Variants in TRPM3 observed in about 807,000 individuals in gnomAD.
TRPM3 encodes the protein transient receptor potential cation channel subfamily M member 3.
In TRPM3, 77 loss-of-function variants were observed where a neutral mutation model predicts 181.2. The observed-to-expected ratio is 0.42, with a 90% CI of 0.35 to 0.51. The LOEUF is 0.51. TRPM3 is among the 20% of genes least tolerant of loss of function. The pLI is 0.01. For missense variants in TRPM3, 1,759 were observed against 2,196.7 expected, an observed-to-expected ratio of 0.80 and a Z score of 3.98; for synonymous variants, 745 against 796.4, an observed-to-expected ratio of 0.94 and a Z score of 1.09.
At chr9:70,857,729 G>A (rs901962042) in intron 3 of TRPM3, among the ~76,000 whole-genome samples, 5 of 152,142 alleles carry the variant, frequency 3.3e-5, no homozygotes, top group Non-Finnish European at 5.9e-5. Flanking sequence ...TTCTCTAGGC[G>A]CAGATTAGTT....
rs116873112 is a variant in TRPM3, at chr9:71,133,831, T to G, written c.184-269320A>C. ...GATGTTATGCTGAAGAAAGGTCATTTCCAATCTAAGCACAGACAAACACTT... is the reference window on the plus strand; with the variant it reads ...GATGTTATGCTGAAGAAAGGTCATTGCCAATCTAAGCACAGACAAACACTT... On this transcript the variant is annotated intron_variant, in intron 1 of 24. Coordinates refer to the TRPM3 transcript ENST00000357533. 4.6e-3 allele frequency among the ~76,000 whole-genome samples: 707 copies of G among 152,324 alleles called. 1 individual carries two copies. The highest frequency in any genetic ancestry group is 7.2e-3 in the Admixed American group (110 of 15,306).
chr9:70,908,263 T>A (rs1477963362), intron 1 of TRPM3, among the ~76,000 whole-genome samples: 1 of 152,218 alleles, frequency 6.6e-6, no homozygotes, highest in East Asian at 1.9e-4. Context: ...GTGTTCATGG[T>A]GACTTTATAG....
At chr9:70,630,820 T>C (rs912989097) in intron 12 of TRPM3, among the ~76,000 whole-genome samples, 7 of 152,242 alleles carry the variant, frequency 4.6e-5, no homozygotes, top group South Asian at 2.1e-4. Flanking sequence ...GTCTTCTTTT[T>C]TCATGCTATG....
rs146664142 is a variant in TRPM3, at chr9:70,584,350, T to C, written c.3223+6681A>G. 3.6e-3 allele frequency among the ~76,000 whole-genome samples: 556 copies of C among 152,356 alleles called. 4 individuals carry two copies. The highest frequency in any genetic ancestry group is 0.013 in the African/African-American group (533 of 41,578). ...GCAATGTCTGCATTTTTATTGATAT[T>C]CTTTGCCTTTTCCAAACCACTGTTT... On this transcript the variant is annotated intron_variant, in intron 22 of 25. Transcript: ENST00000677713.
At chr9:71,432,783 CT>C (rs1442760208) in intron 1 of TRPM3, among the ~76,000 whole-genome samples, 11 of 152,282 alleles carry the variant, frequency 7.2e-5, no homozygotes, top group Admixed American at 7.2e-4. Flanking sequence ...TATTCTGAAA[CT>C]GGTACCCACT....
chr9:71,366,189 A>G (rs943452913), intron 1 of TRPM3, among the ~76,000 whole-genome samples: 5 of 152,216 alleles, frequency 3.3e-5, no homozygotes, highest in African/African-American at 9.7e-5. Flanking sequence ...TTTCTTTTCT[A>G]TAGTTAAGGC....
intron 22 of TRPM3, among the ~76,000 whole-genome samples, chr9:70,563,849 A>G (rs1292507777): frequency 6.6e-6 from 1 of 152,008 alleles, no homozygotes; most frequent in Non-Finnish European, 1.5e-5. Flanking sequence ...TTACAAAACC[A>G]CTTCTGGTTT....
intron 1 of TRPM3, among the ~76,000 whole-genome samples, chr9:71,309,127 T>C (rs989935188): frequency 1.3e-5 from 2 of 152,296 alleles, no homozygotes; most frequent in African/African-American, 4.8e-5. Flanking sequence ...TTTAATCTTT[T>C]AATGTGCATC....
At chr9:71,402,959 A>G (rs1243318127) in intron 1 of TRPM3, among the ~76,000 whole-genome samples, 1 of 152,200 alleles carries the variant, frequency 6.6e-6, no homozygotes, top group African/African-American at 2.4e-5. Context: ...AAAGTTATAA[A>G]GAGATGACAA....
chr9:71,436,596 C>T (rs1435979559), intron 1 of TRPM3, among the ~76,000 whole-genome samples: 1 of 152,138 alleles, frequency 6.6e-6, no homozygotes, highest in African/African-American at 2.4e-5. Flanking sequence ...AGCCACCACT[C>T]CCGGCCTAAA....
At chr9:70,873,087 A>C (rs1481068665) in intron 1 of TRPM3, among the ~76,000 whole-genome samples, 4 of 151,978 alleles carry the variant, frequency 2.6e-5, no homozygotes, top group African/African-American at 7.2e-5. Context: ...AAAAATATTT[A>C]AAAACTAGAG....
At chr9:71,128,953 T>G (rs2074211596) in intron 1 of TRPM3, among the ~76,000 whole-genome samples, 1 of 152,216 alleles carries the variant, frequency 6.6e-6, no homozygotes, top group Non-Finnish European at 1.5e-5. Context: ...CTTGTGCATC[T>G]GGGCTTCTCA....
intron 22 of TRPM3, among the ~76,000 whole-genome samples, chr9:70,585,005 C>A (rs1221332325): frequency 6.6e-6 from 1 of 152,180 alleles, no homozygotes; most frequent in Non-Finnish European, 1.5e-5. Flanking sequence ...TCAGTGACAT[C>A]TGCCACTTTC....
intron 1 of TRPM3, among the ~76,000 whole-genome samples, chr9:70,890,754 T>C (rs1445284588): frequency 2.0e-5 from 3 of 152,068 alleles, no homozygotes; most frequent in African/African-American, 7.2e-5. Context: ...TTTCATGGGA[T>C]GCTATTGGAA....
intron 1 of TRPM3, among the ~76,000 whole-genome samples, chr9:70,969,990 G>A (rs937702637): frequency 1.3e-5 from 2 of 151,938 alleles, no homozygotes; most frequent in Admixed American, 6.6e-5. Flanking sequence ...TGTGGACAGT[G>A]ACAAAAGCAG....
chr9:71,043,547 T>G (rs1211922343), intron 1 of TRPM3, among the ~76,000 whole-genome samples: 1 of 152,234 alleles, frequency 6.6e-6, no homozygotes, highest in Admixed American at 6.5e-5. Context: ...GGCAAGTATT[T>G]TGGACTTTCC....
chr9:70,635,925 G>A (rs2057110940), intron 11 of TRPM3, among the ~76,000 whole-genome samples: 1 of 152,156 alleles, frequency 6.6e-6, no homozygotes, highest in Non-Finnish European at 1.5e-5. Flanking sequence ...GCCGGGGGCT[G>A]GGATGAGGGT....
At chr9:70,593,116 A>G (rs969108532) in intron 21 of TRPM3, among the ~76,000 whole-genome samples, 3 of 152,194 alleles carry the variant, frequency 2.0e-5, no homozygotes, top group South Asian at 2.1e-4. Flanking sequence ...GGTCTAATCA[A>G]TTTTCAAGGC....
intron 1 of TRPM3, among the ~76,000 whole-genome samples, chr9:71,194,491 A>C (rs184354058): frequency 6.6e-6 from 1 of 152,016 alleles, no homozygotes; most frequent in South Asian, 2.1e-4. Flanking sequence ...CCCACAGGTG[A>C]TCCAGCTAGA....
Sources: gnomAD v4.1 joint callset for allele counts (sites outside exome capture counted in the v4.1 genomes callset) on GRCh38, gnomAD v4.1.1 for gene constraint, MANE v1.5 for transcripts, NCBI Gene and HGNC (gene_info 2026-07-23, HGNC 2026-07-21) for gene names.